B3GALT1: variants seen among roughly 807,000 people sequenced by gnomAD.
B3GALT1 encodes the protein beta-1,3-galactosyltransferase 1, also known as UDP-Gal:betaGlcNAc beta 1,3-galactosyltransferase, polypeptide 1.
A neutral mutation model predicts 23.2 loss-of-function variants in B3GALT1; 10 were observed. The observed-to-expected ratio is 0.43, with a 90% confidence interval of 0.27 to 0.73. The LOEUF (loss-of-function observed/expected upper bound fraction) is 0.73. B3GALT1 is among the 30% of genes least tolerant of loss of function. The pLI, the probability that B3GALT1 is intolerant of heterozygous loss-of-function variation, is 0.21. For missense variants in B3GALT1, 299 were observed against 405.4 expected (o/e 0.74, Z 2.25); for synonymous variants, 156 against 141.5 (o/e 1.10, Z -0.73).
chr2:167,311,840 G>A (rs1373535215), intron 1 of B3GALT1, among the ~76,000 whole-genome samples: 1 of 151,918 alleles, frequency 6.6e-6, no homozygotes, highest in Non-Finnish European at 1.5e-5. Context: ...AGGAGTGTAA[G>A]AGAAGAAATA....
intron 3 of B3GALT1, among the ~76,000 whole-genome samples, chr2:167,738,066 C>T (rs1687520217): frequency 1.3e-5 from 2 of 151,810 alleles, no homozygotes; most frequent in African/African-American, 4.8e-5. Context: ...TCCAGAGAAG[C>T]CTCTCATTGA....
chr2:167,435,151 C>G (rs2030656), intron 1 of B3GALT1, among the ~76,000 whole-genome samples: 12,862 of 151,510 alleles, frequency 0.085, 1,391 homozygotes, highest in African/African-American at 0.25. Flanking sequence ...TTTAAGAAAC[C>G]GAAGACATTT....
chr2:167,375,873 G>T (rs1335953711), intron 1 of B3GALT1, among the ~76,000 whole-genome samples: 2 of 152,166 alleles, frequency 1.3e-5, no homozygotes, highest in Non-Finnish European at 2.9e-5. Context: ...TTGAATAGGA[G>T]TGGTGAGAGG....
chr2:167,455,930 A>G (rs1000447974), intron 1 of B3GALT1, among the ~76,000 whole-genome samples: 1 of 152,180 alleles, frequency 6.6e-6, no homozygotes. Flanking sequence ...ACCAACACAT[A>G]TATAATCACC....
chr2:167,590,219 A>G (rs953647516), intron 2 of B3GALT1, among the ~76,000 whole-genome samples: 4 of 151,760 alleles, frequency 2.6e-5, no homozygotes, highest in African/African-American at 9.7e-5. Context: ...GGTGGCGGGC[A>G]CCTGTAGTCC....
chr2:167,663,043 T>G (rs1332445880), intron 3 of B3GALT1, among the ~76,000 whole-genome samples: 8 of 151,938 alleles, frequency 5.3e-5, no homozygotes, highest in African/African-American at 1.9e-4. Flanking sequence ...TGTGTCATGC[T>G]GGTGCACTGC....
intron 2 of B3GALT1, among the ~76,000 whole-genome samples, chr2:167,625,416 A>T (rs917997667): frequency 6.6e-6 from 1 of 151,784 alleles, no homozygotes; most frequent in Non-Finnish European, 1.5e-5. Context: ...GGGCTAAAAA[A>T]TTTTCTTGAC....
intron 1 of B3GALT1, among the ~76,000 whole-genome samples, chr2:167,364,116 A>G (rs1208656766): frequency 1.4e-5 from 2 of 143,664 alleles, no homozygotes; most frequent in East Asian, 4.6e-4. Flanking sequence ...GTGAGCTGAG[A>G]TTGTGCCACT....
At chr2:167,514,593 A>T (rs912248885) in intron 2 of B3GALT1, among the ~76,000 whole-genome samples, 1 of 152,194 alleles carries the variant, frequency 6.6e-6, no homozygotes, top group Non-Finnish European at 1.5e-5. Context: ...TTTGGAGCTG[A>T]GACCTAATAA....
intron 3 of B3GALT1, among the ~76,000 whole-genome samples, chr2:167,661,824 T>C (rs567783280): frequency 2.2e-4 from 33 of 152,158 alleles, no homozygotes; most frequent in African/African-American, 6.7e-4. Context: ...AGAAAAACCA[T>C]AAAAGCAGTA....
intron 3 of B3GALT1, among the ~76,000 whole-genome samples, chr2:167,682,496 CT>C (rs1558947806): frequency 6.6e-6 from 1 of 152,208 alleles, no homozygotes; most frequent in African/African-American, 2.4e-5. Context: ...TATTATCCCC[CT>C]CTCTTGCTTA....
intron 2 of B3GALT1, among the ~76,000 whole-genome samples, chr2:167,544,454 G>A (rs1015022527): frequency 2.0e-5 from 3 of 151,866 alleles, no homozygotes; most frequent in East Asian, 3.9e-4. Context: ...GCCGCCACGC[G>A]TGGCTAATTT....
intron 1 of B3GALT1, among the ~76,000 whole-genome samples, chr2:167,351,290 CAAAA>C (rs951533739): frequency 1.4e-5 from 2 of 146,308 alleles, no homozygotes; most frequent in Non-Finnish European, 3.0e-5. Flanking sequence ...AAAACGAAAA[CAAAA>C]AAAACCACAC....
At chr2:167,696,743 A>G (rs917895513) in intron 3 of B3GALT1, among the ~76,000 whole-genome samples, 1 of 152,224 alleles carries the variant, frequency 6.6e-6, no homozygotes, top group Non-Finnish European at 1.5e-5. Flanking sequence ...AAATGGTAAC[A>G]TAAATAATAG....
chr2:167,366,902 C>T (rs1433251976), intron 1 of B3GALT1, among the ~76,000 whole-genome samples: 6 of 152,200 alleles, frequency 3.9e-5, no homozygotes. Flanking sequence ...CAACTGGCTT[C>T]CTCTAGAGCA....
intron 1 of B3GALT1, among the ~76,000 whole-genome samples, chr2:167,318,576 A>C (rs1696754479): frequency 6.6e-6 from 1 of 152,106 alleles, no homozygotes; most frequent in Admixed American, 6.5e-5. Flanking sequence ...TTTTCTATAT[A>C]AGGTTATAAA....
rs370519384 is a variant in B3GALT1, at chr2:167,589,603, G to C, written c.-409-57306G>C. ...ATTTAATATTCCAGTTTTATCACAT[G>C]CTTCTGATATAATTGATTCTCTTTC... On this transcript the variant is annotated intron_variant, in intron 2 of 4. Coordinates refer to ENST00000392690, the MANE Select transcript of B3GALT1 (RefSeq NM_020981.4). 5.3e-5 allele frequency among the ~76,000 whole-genome samples: 8 copies of C among 151,944 alleles called. No homozygotes were observed. In the East Asian group the frequency reaches 1.2e-3, roughly 22 times the overall value.
intron 1 of B3GALT1, among the ~76,000 whole-genome samples, chr2:167,390,307 C>G (rs1178365146): frequency 6.6e-6 from 1 of 152,182 alleles, no homozygotes; most frequent in East Asian, 1.9e-4. Context: ...CAGAAATTGT[C>G]AACTGTGGTC....
chr2:167,406,608 A>G (rs1698282957), intron 1 of B3GALT1, among the ~76,000 whole-genome samples: 1 of 152,190 alleles, frequency 6.6e-6, no homozygotes, highest in African/African-American at 2.4e-5. Flanking sequence ...GGTTCCCAGC[A>G]GGAGACTTGT....
Sources: allele counts gnomAD v4.1 joint callset (sites outside exome capture counted in the v4.1 genomes callset), GRCh38; gene constraint gnomAD v4.1.1; transcripts MANE v1.5; gene names NCBI Gene and HGNC (gene_info 2026-07-23, HGNC 2026-07-21).